Variants in STRA8 observed in about 807,000 individuals in gnomAD.
STRA8 encodes the protein stimulated by retinoic acid gene 8 protein homolog.
Under a neutral mutation model 37.1 loss-of-function variants are expected in STRA8, and 18 were observed. The ratio of observed to expected loss-of-function variants is 0.48; its 90% confidence interval spans 0.34 to 0.72. STRA8 has a LOEUF of 0.72. STRA8 is among the 30% of genes least tolerant of loss of function. The pLI is 0.01. For missense variants in STRA8, 357 were observed against 410.4 expected (o/e 0.87, Z 1.13); for synonymous variants, 168 against 162.9 (o/e 1.03, Z -0.24).
chr7:135,247,523 TCTTAAGAGTTAAGGAA>T (rs1386090579), intron 6 of STRA8, among the ~76,000 whole-genome samples: 1 of 152,206 alleles, frequency 6.6e-6, no homozygotes, highest in Admixed American at 6.5e-5. Context: ...GAAAGCTCTT[TCTTAAGAGTTAAGGAA>T]GAACTTTTCC....
At chr7:135,251,976 T>TCAGAGA (rs58460452) in intron 7 of STRA8, 107 bp downstream of exon 7, 285,512 of 916,284 alleles carry the variant, frequency 0.31, 56,778 homozygotes, top group African/African-American at 0.72. Context: ...ATGTGGTAAG[T>TCAGAGA]CAGAGACAGA....
chr7:135,232,983 A>C (rs1002306679), upstream of STRA8, among the ~76,000 whole-genome samples: 1 of 152,218 alleles, frequency 6.6e-6, no homozygotes, highest in African/African-American at 2.4e-5. Flanking sequence ...CGGGCACTTC[A>C]AGGGGCTTTG....
intron 1 of STRA8, among the ~76,000 whole-genome samples, chr7:135,236,801 C>T (rs1832384684): frequency 6.6e-6 from 1 of 152,144 alleles, no homozygotes; most frequent in African/African-American, 2.4e-5. Flanking sequence ...CTCTGCCCAT[C>T]CCCACGCTTG....
intron 7 of STRA8, among the ~76,000 whole-genome samples, chr7:135,254,018 C>T (rs1832672501): frequency 6.6e-6 from 1 of 152,162 alleles, no homozygotes. Context: ...CTCCCTGTTC[C>T]ACCCAGGCCT....
intron 7 of STRA8, among the ~76,000 whole-genome samples, chr7:135,254,657 G>A (rs1466906074): frequency 6.6e-6 from 1 of 152,206 alleles, no homozygotes; most frequent in Non-Finnish European, 1.5e-5. Context: ...CAGGCAGGCA[G>A]GAGGAAAAGA....
intron 1 of STRA8, among the ~76,000 whole-genome samples, 193 bp downstream of exon 1, chr7:135,234,096 TGATGATG>T (rs1832333186): frequency 6.7e-6 from 1 of 149,814 alleles, no homozygotes; most frequent in African/African-American, 2.5e-5. Flanking sequence ...ATGATGATGA[TGATGATG>T]ATTATTATTA....
In STRA8 at chr7:135,244,990, C is replaced by A. The variant is rs540652498; in HGVS notation, c.354-298C>A. ...CAGGTTAACAAAGCTCCTTTTTATTCCTAGTTTGCTGAGAGTTTTTATCAT... is the reference window on the plus strand; with the variant it reads ...CAGGTTAACAAAGCTCCTTTTTATTACTAGTTTGCTGAGAGTTTTTATCAT... On this transcript the variant is annotated intron_variant, in intron 4 of 8. Transcript: ENST00000662584. 2.0e-5 allele frequency among the ~76,000 whole-genome samples: 3 copies of A among 152,146 alleles called. No homozygotes were observed. The South Asian group carries it at 6.2e-4, about 32-fold the overall frequency.
intron 7 of STRA8, among the ~76,000 whole-genome samples, chr7:135,254,338 C>G (rs769245339): frequency 3.3e-5 from 5 of 152,184 alleles, no homozygotes; most frequent in Non-Finnish European, 7.3e-5. Context: ...TTCCTCATCC[C>G]GGGAGGAAGT....
chr7:135,240,016 T>C lies in STRA8; in HGVS notation c.-6-503T>C, dbSNP rs374965736. ...CATCAAAGAGGGGGCATTCTTGAGG[T>C]AGAAAAGACCTCACAGTGGGGACAA... On this transcript the variant is annotated intron_variant, in intron 1 of 8. Transcript: ENST00000662584. Among the ~76,000 whole-genome samples the C allele has an allele frequency of 1.6e-4, 25 of 152,204 alleles. No homozygotes were observed. The Middle Eastern group carries it at 0.014, about 83-fold the overall frequency.
intron 6 of STRA8, among the ~76,000 whole-genome samples, chr7:135,250,867 T>C (rs557101344): frequency 2.0e-5 from 3 of 152,358 alleles, no homozygotes; most frequent in Non-Finnish European, 4.4e-5. Flanking sequence ...CTGGCAGTCA[T>C]GTAAGTGTAA....
chr7:135,251,987 G>C, intron 7 of STRA8, 118 bp downstream of exon 7: 1 of 917,326 alleles, frequency 1.1e-6, no homozygotes, highest in Non-Finnish European at 1.8e-6. Flanking sequence ...CAGAGACAGA[G>C]AGAGGAGACA....
intron 6 of STRA8, among the ~76,000 whole-genome samples, chr7:135,248,777 C>T (rs575807767): frequency 1.3e-5 from 2 of 152,162 alleles, no homozygotes; most frequent in Non-Finnish European, 2.9e-5. Context: ...ACAAGCTTCC[C>T]TCGTGGCTAG....
chr7:135,240,650 C>G lies in STRA8; in HGVS notation c.126C>G (p.Thr42=). Residue 42 remains threonine (T), a synonymous_variant, in exon 2 of 9, where the codon ACC becomes ACG. Transcript: ENST00000662584. Reference sequence around the variant, plus strand: ...TGTCCCAGGCCCGCCACCGAGCCACCCTGGCAGCGCTCTTCAACAACCTCA... The same window carrying G: ...TGTCCCAGGCCCGCCACCGAGCCACGCTGGCAGCGCTCTTCAACAACCTCA... ...RRLSQARHRA[T]LAALFNNLRK... 6.2e-7 allele frequency: 1 copy of G among 1,614,148 alleles called. No individual in the cohort carries two copies. The highest frequency in any genetic ancestry group is 8.5e-7 in the Non-Finnish European group (1 of 1,180,036).
chr7:135,232,234 A>G (rs1832303658), upstream of STRA8, among the ~76,000 whole-genome samples: 1 of 151,790 alleles, frequency 6.6e-6, no homozygotes, highest in African/African-American at 2.4e-5. Flanking sequence ...GAGCTTCACA[A>G]ACCCCTAGGT....
chr7:135,258,191 T>C (rs1355119062), intron 8 of STRA8, among the ~76,000 whole-genome samples: 1 of 152,222 alleles, frequency 6.6e-6, no homozygotes, highest in East Asian at 1.9e-4. Context: ...AGTTCTGCTG[T>C]GTCCTTTCTG....
intron 1 of STRA8, among the ~76,000 whole-genome samples, 185 bp downstream of exon 1, chr7:135,234,088 G>GATTATT (rs1491416343): frequency 3.2e-4 from 48 of 148,184 alleles, no homozygotes; most frequent in African/African-American, 1.1e-3. Flanking sequence ...GGATGATGAT[G>GATTATT]ATGATGATGA....
intron 7 of STRA8, among the ~76,000 whole-genome samples, chr7:135,253,136 T>G (rs147109754): frequency 6.6e-6 from 1 of 152,144 alleles, no homozygotes; most frequent in African/African-American, 2.4e-5. Context: ...GGTTTTGCCA[T>G]GTTGGCCAGG....
chr7:135,241,084 C>T (rs1025113909), intron 2 of STRA8, among the ~76,000 whole-genome samples: 3 of 152,166 alleles, frequency 2.0e-5, no homozygotes, highest in African/African-American at 4.8e-5. Context: ...CCTCTTAATA[C>T]TATCATATTG....
In STRA8 at chr7:135,246,813, G is replaced by A. The variant is rs1029450172; in HGVS notation, c.879+111G>A. The A allele has an allele frequency of 1.7e-5, 20 of 1,148,504 alleles. No homozygotes were observed. The South Asian group carries it at 3.5e-4, about 20-fold the overall frequency. 71.1% of individuals were successfully genotyped at this position (1,148,504 alleles called of 1,614,324 possible). ...AGGTTGGAGGTGCAGTTTGCCTTCT[G>A]GCTCCCAAGGTCGGTTTCTGATTTT... is the stretch of plus-strand genomic sequence containing the variant. On this transcript the variant is annotated intron_variant, in intron 6 of 8. Coordinates refer to ENST00000662584, the MANE Select transcript of STRA8 (RefSeq NM_001394401.1). The surrounding 1 kb of genome is among the most constrained non-coding windows in gnomAD (Gnocchi z 5.4).
Sources: allele counts gnomAD v4.1 joint callset (sites outside exome capture counted in the v4.1 genomes callset), GRCh38; gene constraint gnomAD v4.1.1; non-coding constraint Gnocchi (gnomAD v3.1); transcripts MANE v1.5; gene names NCBI Gene and HGNC (gene_info 2026-07-23, HGNC 2026-07-21).